TRPV4: variants seen among roughly 807,000 people sequenced by gnomAD.
TRPV4 encodes the protein OSM9-like transient receptor potential channel 4.
Under a neutral mutation model 84.1 loss-of-function variants are expected in TRPV4, and 58 were observed. The observed-to-expected ratio is 0.69, with a 90% CI of 0.56 to 0.86. The LOEUF is 0.86. TRPV4 is among the 40% of genes least tolerant of loss of function. TRPV4 has a pLI of 0.00. For missense variants in TRPV4, 879 were observed against 1,181.1 expected, an observed-to-expected ratio of 0.74 and a Z score of 3.75; for synonymous variants, 489 against 500.9, an observed-to-expected ratio of 0.98 and a Z score of 0.32.
chr12:109,831,454 C>G (rs541908387), intron 1 of TRPV4, among the ~76,000 whole-genome samples: 1 of 152,252 alleles, frequency 6.6e-6, no homozygotes, highest in Non-Finnish European at 1.5e-5. Context: ...GGGAGCTCCT[C>G]CCCGGGGGGC....
rs550534395 is a variant in TRPV4 at position 109,798,573 on chromosome 12, A to G, written c.1152+41T>C. The G allele has an allele frequency of 1.3e-4, 201 of 1,604,052 alleles. 3 individuals are homozygous for G. In the South Asian group the frequency reaches 2.2e-3, roughly 18 times the overall value. On this transcript the variant is annotated intron_variant, in intron 6 of 15. Coordinates refer to ENST00000261740, the MANE Select transcript of TRPV4 (RefSeq NM_021625.5). This position sits in a 1 kb window ranked among gnomAD's most constrained non-coding sequence, Gnocchi z 5.0. ...CCCTCGTGTGTGTGTGCAGAGGGGT[A>G]CGAGTAGGTGGATCAGCTGTGCCCC... is the stretch of plus-strand genomic sequence containing the variant.
intron 1 of TRPV4, among the ~76,000 whole-genome samples, chr12:109,828,683 T>C (rs1892333825): frequency 6.6e-6 from 1 of 152,214 alleles, no homozygotes; most frequent in South Asian, 2.1e-4. Flanking sequence ...CTAGCGTAGC[T>C]TTCCACGCAA....
chr12:109,804,085 G>T (rs1349960570), intron 3 of TRPV4, among the ~76,000 whole-genome samples: 1 of 152,160 alleles, frequency 6.6e-6, no homozygotes, highest in Non-Finnish European at 1.5e-5. Context: ...GTTCTAGGGG[G>T]TGCAACAATA....
chr12:109,820,514 C>CTTTTTTT (rs1186445597), intron 1 of TRPV4, among the ~76,000 whole-genome samples: 2,486 of 122,816 alleles, frequency 0.02, 268 homozygotes, highest in Non-Finnish European at 0.03. Context: ...TTCAGCTGCC[C>CTTTTTTT]TATTTTTTTT....
In TRPV4 at chr12:109,786,810, G is replaced by A. The variant is rs375189134; in HGVS notation, c.2236C>T (p.Arg746Cys). The A allele has an allele frequency of 5.0e-6, 8 of 1,613,990 alleles. No homozygotes were observed. Among genetic ancestry groups the A allele is most frequent in the African/African-American group, 1.3e-5 (1 of 75,024 alleles). ...QWATTILDIE[R>C]SFPVFLRKAF... is the part of the protein sequence containing the mutation. Reference sequence around the variant, plus strand: ...TTCCTCAGGAATACGGGGAAGGAGCGCTCAATGTCCAGGATGGTGGTGGCC... The same window carrying A: ...TTCCTCAGGAATACGGGGAAGGAGCACTCAATGTCCAGGATGGTGGTGGCC... The change falls in exon 14 of 16, where the codon CGC becomes TGC. Residue 746 changes from arginine to cysteine, a missense_variant. Physicochemically the swap from Arg to Cys is radical, Grantham distance 180 (BLOSUM62 -3). This residue lies in a region of TRPV4 where 242 missense variants were observed against 355.3 expected (regional missense o/e 0.68). Transcript: ENST00000261740. The surrounding 1 kb of genome is among the most constrained non-coding windows in gnomAD (Gnocchi z 4.5).
At chr12:109,809,444 C>G (rs1294792952) in intron 2 of TRPV4, among the ~76,000 whole-genome samples, 1 of 149,864 alleles carries the variant, frequency 6.7e-6, no homozygotes, top group African/African-American at 2.5e-5. Flanking sequence ...ATCCATCCAC[C>G]CACTCATCCA....
chr12:109,806,266 C>T (rs1315758604), intron 3 of TRPV4, among the ~76,000 whole-genome samples: 5 of 151,832 alleles, frequency 3.3e-5, no homozygotes. Context: ...GCAATCTCGG[C>T]TCACTGCAAC....
At position 109,793,489 on chromosome 12, in the gene TRPV4, C is replaced by T; in HGVS notation, c.1658+38G>A. ...GACCTAGCAGCCCAAACCCACCTTCCTCACCCAGAAGCTGCCGGCCCAGGG... is the reference window on the plus strand; with the variant it reads ...GACCTAGCAGCCCAAACCCACCTTCTTCACCCAGAAGCTGCCGGCCCAGGG... On this transcript the variant is annotated intron_variant, in intron 10 of 15. Transcript: ENST00000261740. This position sits in a 1 kb window ranked among gnomAD's most constrained non-coding sequence, Gnocchi z 4.0. The T allele has an allele frequency of 6.3e-7, 1 of 1,582,842 alleles. No homozygotes were observed. Among genetic ancestry groups the T allele is most frequent in the East Asian group, 2.2e-5 (1 of 44,714 alleles).
rs2136539212 is a variant in TRPV4, at chr12:109,800,801, G to C, written c.713-43C>G. The stretch of plus-strand genomic sequence containing the variant: ...TCATCCAGGGTCCTGGCGGAGCAGA[G>C]ACCTAGCCAGGCTTGCTGGGGGTGG... On this transcript the variant is annotated intron_variant, in intron 4 of 15. Transcript: ENST00000261740. 6.1e-6 allele frequency: 9 copies of C among 1,484,898 alleles called. No individual in the cohort carries two copies. In the South Asian group the frequency reaches 1.0e-4, roughly 17 times the overall value. 92.0% of individuals were successfully genotyped at this position (1,484,898 alleles called of 1,614,324 possible).
chr12:109,807,988 C>A (rs531281132), intron 3 of TRPV4, among the ~76,000 whole-genome samples: 3 of 152,304 alleles, frequency 2.0e-5, no homozygotes, highest in African/African-American at 7.2e-5. Flanking sequence ...AGAGGTCACA[C>A]ATCGCTTAAC....
At position 109,783,939 on chromosome 12, in the gene TRPV4, AG is replaced by A. The variant is rs1285793023; in HGVS notation, c.2459-162del. Among the ~76,000 whole-genome samples the A allele has an allele frequency of 1.3e-5, 2 of 152,164 alleles. No individual in the cohort carries two copies. The highest frequency in any genetic ancestry group is 4.8e-5 in the African/African-American group (2 of 41,436). On this transcript the variant is annotated intron_variant, in intron 15 of 15. Coordinates refer to ENST00000261740, the MANE Select transcript of TRPV4 (RefSeq NM_021625.5). The surrounding 1 kb of genome is among the most constrained non-coding windows in gnomAD (Gnocchi z 4.6). ...GGAAACTGGGGCTCAAGAGAGGTCAAGGTGCCTCCCCAGGAGAGAATGGAGG... is the reference window on the plus strand; with the variant it reads ...GGAAACTGGGGCTCAAGAGAGGTCAAGTGCCTCCCCAGGAGAGAATGGAGG...
chr12:109,820,516 AT>A (rs1166251387), intron 1 of TRPV4, among the ~76,000 whole-genome samples: 5,313 of 92,068 alleles, frequency 0.058, 71 homozygotes, highest in African/African-American at 0.15. Flanking sequence ...CAGCTGCCCT[AT>A]TTTTTTTTTT....
chr12:109,822,311 G>C (rs532093004), intron 1 of TRPV4, among the ~76,000 whole-genome samples: 2 of 152,258 alleles, frequency 1.3e-5, no homozygotes, highest in South Asian at 4.1e-4. Context: ...CCTCCACCCT[G>C]GGGCTCCTTA....
chr12:109,784,279 GACT>G, intron 15 of TRPV4, 34 bp downstream of exon 15: 1 of 1,613,810 alleles, frequency 6.2e-7, no homozygotes, highest in Non-Finnish European at 8.5e-7. Context: ...GATGAGAATG[GACT>G]GGGGCTCCCC....
At position 109,783,302 on chromosome 12, in the gene TRPV4, G is replaced by C. The variant is rs1270176684; in HGVS notation, c.*319C>G. On this transcript the variant is annotated 3_prime_UTR_variant, in exon 16 of 16. Transcript: ENST00000261740. The surrounding 1 kb of genome is among the most constrained non-coding windows in gnomAD (Gnocchi z 4.6). ...GTCCTAAGGCCTCTGCCAGGTTCCA[G>C]CTGGGGCAGGGGTCACGTCGCTTCC... 4 of 300,664 alleles carry C rather than the reference G, an allele frequency of 1.3e-5. No homozygotes were observed. Among genetic ancestry groups the C allele is most frequent in the Non-Finnish European group, 2.5e-5 (4 of 161,910 alleles). The allele number at this position is 300,664 out of a possible 1,614,324, so 18.6% of individuals were successfully genotyped here.
chr12:109,798,516 T>C lies in TRPV4; in HGVS notation c.1152+98A>G. 1.4e-6 allele frequency: 2 copies of C among 1,472,318 alleles called. No homozygotes were observed. The highest frequency in any genetic ancestry group is 1.8e-5 in the Admixed American group (1 of 55,004). The allele number at this position is 1,472,318 out of a possible 1,614,324, so 91.2% of individuals were successfully genotyped here. On this transcript the variant is annotated intron_variant, in intron 6 of 15. Coordinates refer to ENST00000261740, the MANE Select transcript of TRPV4 (RefSeq NM_021625.5). This position sits in a 1 kb window ranked among gnomAD's most constrained non-coding sequence, Gnocchi z 5.0. ...TGGGGTTGGCATGTTGGGAGGTGCATGCACGTATTAATAATGAATACCAGC... is the reference window on the plus strand; with the variant it reads ...TGGGGTTGGCATGTTGGGAGGTGCACGCACGTATTAATAATGAATACCAGC...
chr12:109,788,871 G>C (rs1404898936), intron 12 of TRPV4, among the ~76,000 whole-genome samples, 155 bp from the exon 13 acceptor site: 2 of 152,192 alleles, frequency 1.3e-5, no homozygotes, highest in Non-Finnish European at 2.9e-5. Context: ...CATCAGCCAA[G>C]CCACACCAGA....
chr12:109,800,840 G>A, intron 4 of TRPV4, 82 bp from the exon 5 acceptor site: 2 of 652,238 alleles, frequency 3.1e-6, no homozygotes, highest in Admixed American at 2.2e-5. Flanking sequence ...TAGGGTGCAG[G>A]ACGTAGAAAT....
At chr12:109,821,586 G>A (rs1171715985) in intron 1 of TRPV4, among the ~76,000 whole-genome samples, 1 of 151,876 alleles carries the variant, frequency 6.6e-6, no homozygotes, top group Admixed American at 6.6e-5. Context: ...TTGGAGTGCA[G>A]TGGCATGATC....
Sources: allele counts gnomAD v4.1 joint callset (sites outside exome capture counted in the v4.1 genomes callset), GRCh38; gene constraint gnomAD v4.1.1; regional missense constraint gnomAD v4.1.1; non-coding constraint Gnocchi (gnomAD v3.1); transcripts MANE v1.5; gene names NCBI Gene and HGNC (gene_info 2026-07-23, HGNC 2026-07-21).